Variants in SVEP1 observed in about 807,000 individuals in gnomAD.
The protein encoded by SVEP1 is sushi, von Willebrand factor type A, EGF and pentraxin domain containing 1.
SVEP1 carries 164 observed loss-of-function variants against 367.3 expected under a neutral mutation model. That is an observed-to-expected ratio of 0.45 (90% CI 0.39 to 0.51). SVEP1 has a LOEUF of 0.51. Ranked by LOEUF, SVEP1 falls within the 20% of genes least tolerant of loss-of-function variation. The probability of loss-of-function intolerance (pLI) is 0.00; values close to 1 mark genes in which losing one functional copy is unlikely to be tolerated. For missense variants in SVEP1, 4,117 were observed against 4,425.3 expected, an observed-to-expected ratio of 0.93 and a Z score of 1.98; for synonymous variants, 1,666 against 1,611.6, an observed-to-expected ratio of 1.03 and a Z score of -0.81.
intron 44 of SVEP1, among the ~76,000 whole-genome samples, chr9:110,378,079 GTATCTGCCTATTTT>G (rs1383109461): frequency 1.1e-4 from 17 of 151,966 alleles, no homozygotes; most frequent in Admixed American, 4.0e-4. Context: ...ATATTTCATT[GTATCTGCCTATTTT>G]TATCTGCATG....
intron 20 of SVEP1, 131 bp downstream of exon 20, chr9:110,458,340 C>A (rs1334108571): frequency 1.3e-6 from 1 of 743,568 alleles, no homozygotes; most frequent in Non-Finnish European, 2.2e-6. Context: ...TACAATTATT[C>A]ATTTATAAAA....
intron 40 of SVEP1, among the ~76,000 whole-genome samples, chr9:110,399,485 T>G (rs1355476005): frequency 6.6e-6 from 1 of 152,032 alleles, no homozygotes; most frequent in African/African-American, 2.4e-5. Context: ...ACTTAAAGTA[T>G]AATAATAATA....
intron 1 of SVEP1, among the ~76,000 whole-genome samples, chr9:110,553,259 C>T (rs1285700829): frequency 1.3e-5 from 2 of 152,146 alleles, no homozygotes; most frequent in East Asian, 1.9e-4. Context: ...TATTTCTCAA[C>T]GTGACTTTGT....
At chr9:110,394,685 A>T (rs567784248) in intron 40 of SVEP1, among the ~76,000 whole-genome samples, 15 of 152,372 alleles carry the variant, frequency 9.8e-5, no homozygotes, top group East Asian at 3.9e-4. Context: ...AAACCAAGGC[A>T]CGAGAACTAC....
chr9:110,373,065 G>C (rs1222472036), intron 46 of SVEP1, among the ~76,000 whole-genome samples: 1 of 152,132 alleles, frequency 6.6e-6, no homozygotes, highest in East Asian at 1.9e-4. Context: ...GAGCAGGAAG[G>C]AACAAAAATA....
At chr9:110,460,589 C>T (rs1305450359) in intron 18 of SVEP1, among the ~76,000 whole-genome samples, 1 of 152,204 alleles carries the variant, frequency 6.6e-6, no homozygotes, top group African/African-American at 2.4e-5. Context: ...ACCGTCTCTA[C>T]TAAAAGTACA....
chr9:110,483,788 AG>A (rs1829235565), intron 9 of SVEP1, 95 bp from the exon 10 acceptor site: 1 of 858,010 alleles, frequency 1.2e-6, no homozygotes, highest in Admixed American at 3.2e-5. Context: ...TTGTGCTGGC[AG>A]ACAGCCTTGA....
chr9:110,382,006 C>T (rs757741510), intron 43 of SVEP1, among the ~76,000 whole-genome samples: 24 of 152,072 alleles, frequency 1.6e-4, no homozygotes, highest in Admixed American at 3.3e-4. Flanking sequence ...GAAATACAAC[C>T]CCTATTTTTT....
intron 18 of SVEP1, among the ~76,000 whole-genome samples, chr9:110,460,942 T>C (rs1390111998): frequency 2.0e-5 from 3 of 152,188 alleles, no homozygotes; most frequent in Admixed American, 2.0e-4. Flanking sequence ...TTCTTCCTCA[T>C]GTGATGCTAC....
At chr9:110,477,690 C>G (rs1829118334) in intron 13 of SVEP1, among the ~76,000 whole-genome samples, 1 of 152,054 alleles carries the variant, frequency 6.6e-6, no homozygotes, top group Non-Finnish European at 1.5e-5. Context: ...TATGCTCTGC[C>G]TCCTTGACTC....
chr9:110,433,914 A>G (rs919929184), intron 30 of SVEP1, among the ~76,000 whole-genome samples: 1 of 152,108 alleles, frequency 6.6e-6, no homozygotes, highest in Non-Finnish European at 1.5e-5. Context: ...TAAGAATAGG[A>G]GCTTTTTCCC....
intron 7 of SVEP1, 49 bp downstream of exon 7, chr9:110,498,992 G>A (rs1829491107): frequency 2.0e-6 from 3 of 1,535,146 alleles, no homozygotes; most frequent in Non-Finnish European, 2.7e-6. Flanking sequence ...GCACCCATAT[G>A]GCAATATTAA....
Position 110,502,741 on chromosome 9 carries a change from T to A in SVEP1, c.1483+297A>T, listed in dbSNP as rs763756653. 9.2e-5 allele frequency among the ~76,000 whole-genome samples: 14 copies of A among 151,928 alleles called. 1 individual carries two copies. The highest frequency in any genetic ancestry group is 4.2e-4 in the South Asian group (2 of 4,804). On this transcript the variant is annotated intron_variant, in intron 6 of 47. Coordinates refer to ENST00000374469, the MANE Select transcript of SVEP1 (RefSeq NM_153366.4). ...AGGGTATTATGAGGCATTTGCATTT[T>A]AAAAAAAAATCCATCCAAATTGGCC...
At chr9:110,388,610 G>A (rs1206225706) in intron 41 of SVEP1, among the ~76,000 whole-genome samples, 1 of 151,750 alleles carries the variant, frequency 6.6e-6, no homozygotes, top group Non-Finnish European at 1.5e-5. Context: ...CCAAAGTTGA[G>A]TATGCTGAGA....
In SVEP1 at chr9:110,400,910, T is replaced by C; in HGVS notation, c.9766A>G (p.Lys3256Glu). The change falls in exon 40 of 48, where the codon AAA becomes GAA. Residue 3256 changes from lysine (K) to glutamate (E), a missense_variant. Transcript: ENST00000374469. ...SPEHGFVVGS[K>E]YTFESTIIYQ... Reference sequence around the variant, plus strand: ...ATAATTGTGCTTTCAAAGGTGTATTTACTGCCAACCACAAATCCATGTTCT... The same window carrying C: ...ATAATTGTGCTTTCAAAGGTGTATTCACTGCCAACCACAAATCCATGTTCT... The C allele has an allele frequency of 6.2e-7, 1 of 1,613,936 alleles. No homozygotes were observed. The highest frequency in any genetic ancestry group is 8.5e-7 in the Non-Finnish European group (1 of 1,179,850).
chr9:110,441,730 G>C (rs1828512480), intron 27 of SVEP1, among the ~76,000 whole-genome samples: 1 of 152,200 alleles, frequency 6.6e-6, no homozygotes, highest in South Asian at 2.1e-4. Flanking sequence ...TTAACTCTCA[G>C]TGCTGTCCCT....
intron 44 of SVEP1, among the ~76,000 whole-genome samples, chr9:110,378,303 T>G (rs1206031381): frequency 6.6e-6 from 1 of 152,164 alleles, no homozygotes; most frequent in Non-Finnish European, 1.5e-5. Flanking sequence ...TTACATCCCA[T>G]GTATTGGTGA....
intron 5 of SVEP1, among the ~76,000 whole-genome samples, chr9:110,512,437 A>G (rs750985217): frequency 2.0e-5 from 3 of 151,208 alleles, no homozygotes; most frequent in Non-Finnish European, 4.4e-5. Context: ...CCCACTTTCT[A>G]TTGGCCTGAA....
rs535478204 is a variant in SVEP1, at chr9:110,520,121, G to A, written c.965-6015C>T. Among the ~76,000 whole-genome samples the A allele has an allele frequency of 1.2e-3, 189 of 152,136 alleles. 3 individuals carry two copies. The South Asian group carries it at 0.035, about 28-fold the overall frequency. ...ATAATCAAGAGTTTAAAACACTGGC[G>A]AACAGAGTTTTGAATAAAAATACCC... On this transcript the variant is annotated intron_variant, in intron 3 of 47. Transcript: ENST00000374469.
Sources: allele counts gnomAD v4.1 joint callset (sites outside exome capture counted in the v4.1 genomes callset), GRCh38; gene constraint gnomAD v4.1.1; transcripts MANE v1.5; gene names NCBI Gene and HGNC (gene_info 2026-07-23, HGNC 2026-07-21).